Variants in LYRM4 observed in about 807,000 individuals in gnomAD.
The protein encoded by LYRM4 is LYR motif containing 4, also known as LYR motif-containing protein 4.
Under a neutral mutation model 11.7 loss-of-function variants are expected in LYRM4, and 9 were observed. The observed-to-expected ratio is 0.77, with a 90% CI of 0.46 to 1.34. The LOEUF (loss-of-function observed/expected upper bound fraction) is 1.34, where lower values mean the gene tolerates loss of function less well. Ranked by LOEUF, LYRM4 falls within the 40% of genes most tolerant of loss-of-function variation. The pLI, the probability that LYRM4 is intolerant of heterozygous loss-of-function variation, is 0.00. For missense variants in LYRM4, 133 were observed against 112.5 expected (o/e 1.18, Z -0.82); for synonymous variants, 42 against 40.4 (o/e 1.04, Z -0.15).
chr6:5,173,075 A>G (rs1169839293), intron 2 of LYRM4, among the ~76,000 whole-genome samples: 1 of 152,238 alleles, frequency 6.6e-6, no homozygotes, highest in Admixed American at 6.5e-5. Flanking sequence ...TTATAGAAAC[A>G]TGACTCCCCA....
chr6:5,044,232 G>A, the LYRM4 span, among the ~76,000 whole-genome samples: 2 of 152,116 alleles, frequency 1.3e-5, no homozygotes, highest in African/African-American at 4.8e-5. Flanking sequence ...GGGTTCACCT[G>A]TGATTCTCCT....
At chr6:5,090,446 G>C in the LYRM4 span, among the ~76,000 whole-genome samples, 1 of 152,216 alleles carries the variant, frequency 6.6e-6, no homozygotes, top group African/African-American at 2.4e-5. This position sits in a 1 kb window ranked among gnomAD's most constrained non-coding sequence, Gnocchi z 4.8. Flanking sequence ...GCTCCAGGAA[G>C]TGTACGGTGG....
chr6:5,238,711 C>A (rs771824474), intron 1 of LYRM4, among the ~76,000 whole-genome samples: 4 of 152,166 alleles, frequency 2.6e-5, no homozygotes, highest in Non-Finnish European at 4.4e-5. Flanking sequence ...GCTGAAGTTT[C>A]TACATGATAG....
At chr6:5,146,651 G>A (rs1370189263) in intron 2 of LYRM4, among the ~76,000 whole-genome samples, 1 of 152,118 alleles carries the variant, frequency 6.6e-6, no homozygotes, top group African/African-American at 2.4e-5. Flanking sequence ...AGGCAGTTGT[G>A]GTGGGGCCCA....
chr6:5,112,876 A>G (rs1762947778), intron 2 of LYRM4, among the ~76,000 whole-genome samples: 1 of 152,178 alleles, frequency 6.6e-6, no homozygotes, highest in South Asian at 2.1e-4. Flanking sequence ...ACTGCCAGAG[A>G]CAGAAATGGG....
intron 2 of LYRM4, among the ~76,000 whole-genome samples, chr6:5,113,859 G>C (rs921762841): frequency 6.6e-6 from 1 of 152,092 alleles, no homozygotes; most frequent in Non-Finnish European, 1.5e-5. Flanking sequence ...GTGCCGCCAT[G>C]CCTGGCTAAT....
In LYRM4 at chr6:5,260,913, G is replaced by C; in HGVS notation, c.-180C>G. On this transcript the variant is annotated 5_prime_UTR_variant, in exon 1 of 3. Transcript: ENST00000330636. ...CTGCGGATCGCGGACGGCGCCAGGC[G>C]TCCCGCGCCGCTTCGGGGGCGGGCG... 7.3e-7 allele frequency: 1 copy of C among 1,370,614 alleles called. No individual in the cohort carries two copies. The highest frequency in any genetic ancestry group is 1.5e-5 in the African/African-American group (1 of 64,896). 84.9% of individuals were successfully genotyped at this position (1,370,614 alleles called of 1,614,324 possible).
chr6:5,230,630 CAATT>C (rs1763182504), intron 1 of LYRM4, among the ~76,000 whole-genome samples: 1 of 152,140 alleles, frequency 6.6e-6, no homozygotes, highest in Admixed American at 6.5e-5. Flanking sequence ...TATGGTAGAT[CAATT>C]AATTCTAGAT....
intron 2 of LYRM4, among the ~76,000 whole-genome samples, chr6:5,118,958 C>T (rs77356095): frequency 6.6e-6 from 1 of 152,162 alleles, no homozygotes; most frequent in African/African-American, 2.4e-5. Context: ...TTTTATGCAA[C>T]AGAGGAGTGC....
the LYRM4 span, among the ~76,000 whole-genome samples, chr6:5,053,877 T>G: frequency 6.6e-6 from 1 of 152,062 alleles, no homozygotes; most frequent in African/African-American, 2.4e-5. Context: ...CCTATTACAG[T>G]AAAAAAAGCT....
the LYRM4 span, among the ~76,000 whole-genome samples, chr6:5,049,229 C>A: frequency 6.6e-6 from 1 of 152,154 alleles, no homozygotes; most frequent in Non-Finnish European, 1.5e-5. Flanking sequence ...AAGCTGCATC[C>A]TCTTCTCCAG....
At chr6:5,225,822 T>C (rs886636291) in intron 1 of LYRM4, among the ~76,000 whole-genome samples, 1 of 152,244 alleles carries the variant, frequency 6.6e-6, no homozygotes, top group Non-Finnish European at 1.5e-5. Context: ...GAAGTACAAG[T>C]TTATGTCCCC....
chr6:5,220,681 T>G (rs1438095223), intron 1 of LYRM4, among the ~76,000 whole-genome samples: 1 of 152,210 alleles, frequency 6.6e-6, no homozygotes, highest in Non-Finnish European at 1.5e-5. Flanking sequence ...AGATCACTGA[T>G]TCACCCTTAT....
chr6:5,141,029 T>C (rs1217181926), intron 2 of LYRM4, among the ~76,000 whole-genome samples: 1 of 152,210 alleles, frequency 6.6e-6, no homozygotes, highest in Non-Finnish European at 1.5e-5. Context: ...CACTACCTTA[T>C]GGTTATAATT....
At chr6:5,035,092 A>G in the LYRM4 span, among the ~76,000 whole-genome samples, 1 of 152,068 alleles carries the variant, frequency 6.6e-6, no homozygotes, top group Non-Finnish European at 1.5e-5. Flanking sequence ...GTTTCAGCTG[A>G]TGAAAACGTT....
chr6:5,147,362 T>C (rs143161244), intron 2 of LYRM4, among the ~76,000 whole-genome samples: 1 of 152,360 alleles, frequency 6.6e-6, no homozygotes, highest in African/African-American at 2.4e-5. Flanking sequence ...TATTTTAACC[T>C]GGATTTTGGG....
intron 2 of LYRM4, among the ~76,000 whole-genome samples, chr6:5,197,503 C>T (rs189707510): frequency 3.0e-3 from 462 of 151,954 alleles, no homozygotes; most frequent in Non-Finnish European, 4.8e-3. Context: ...GAAACCCCGT[C>T]TCTACTGAAA....
intron 2 of LYRM4, among the ~76,000 whole-genome samples, chr6:5,119,929 C>G (rs561319276): frequency 6.6e-6 from 1 of 151,456 alleles, no homozygotes; most frequent in African/African-American, 2.4e-5. Context: ...GAGAAAGAGT[C>G]TCGCTCTGTC....
chr6:5,093,830 C>A, the LYRM4 span, among the ~76,000 whole-genome samples: 1 of 152,314 alleles, frequency 6.6e-6, no homozygotes, highest in East Asian at 1.9e-4. Flanking sequence ...CATCGACCAC[C>A]ATTGTAATAT....
Sources: gnomAD v4.1 joint callset for allele counts (sites outside exome capture counted in the v4.1 genomes callset) on GRCh38, gnomAD v4.1.1 for gene constraint, Gnocchi (gnomAD v3.1) non-coding constraint, MANE v1.5 for transcripts, NCBI Gene and HGNC (gene_info 2026-07-23, HGNC 2026-07-21) for gene names.